Variants in SWT1 observed in about 807,000 individuals in gnomAD.
SWT1 encodes SWT1 RNA endoribonuclease homolog.
A neutral mutation model predicts 107.3 loss-of-function variants in SWT1; 33 were observed. That is an observed-to-expected ratio of 0.31 (90% CI 0.23 to 0.41). The LOEUF is 0.41. SWT1 is among the 10% of genes least tolerant of loss of function. The pLI is 1.00. For synonymous variants in SWT1, 345 were observed against 348.3 expected (o/e 0.99, Z 0.11); for missense variants, 898 against 1,028.9 (o/e 0.87, Z 1.74).
At chr1:185,182,153 A>G in intron 7 of SWT1, 96 bp downstream of exon 7, 1 of 1,261,114 alleles carries the variant, frequency 7.9e-7, no homozygotes, top group Non-Finnish European at 1.1e-6. Flanking sequence ...GAAAAATGTT[A>G]AAATGTGCTC....
intron 5 of SWT1, chr1:185,176,918 C>T: frequency 5.3e-6 from 3 of 561,892 alleles, no homozygotes; most frequent in Non-Finnish European, 6.8e-6. Flanking sequence ...TGGGAGGCGG[C>T]CCTTGCAGTG....
chr1:185,238,481 A>C (rs1402302662), intron 16 of SWT1, among the ~76,000 whole-genome samples: 2 of 152,216 alleles, frequency 1.3e-5, no homozygotes, highest in African/African-American at 4.8e-5. Context: ...TCCCAGACTA[A>C]CTTAAATAAA....
chr1:185,204,575 T>A, intron 11 of SWT1, 125 bp from the exon 12 acceptor site: 1 of 422,642 alleles, frequency 2.4e-6, no homozygotes, highest in Non-Finnish European at 4.1e-6. Context: ...ATAAAATATT[T>A]GTTTGTTTTA....
intron 16 of SWT1, among the ~76,000 whole-genome samples, chr1:185,269,375 T>G (rs1320901468): frequency 1.3e-5 from 2 of 148,730 alleles, no homozygotes; most frequent in Non-Finnish European, 3.0e-5. Context: ...AGGTTTTTGT[T>G]TTTTTTTTTT....
intron 14 of SWT1, among the ~76,000 whole-genome samples, chr1:185,215,617 C>T (rs1659156200): frequency 6.6e-6 from 1 of 152,164 alleles, no homozygotes; most frequent in African/African-American, 2.4e-5. Flanking sequence ...GGGCTCACTG[C>T]AACCTCCACC....
At chr1:185,237,972 T>C (rs933547301) in intron 16 of SWT1, among the ~76,000 whole-genome samples, 1 of 151,988 alleles carries the variant, frequency 6.6e-6, no homozygotes, top group South Asian at 2.1e-4. Flanking sequence ...TGCTACCTTT[T>C]AGCATGTGAC....
intron 16 of SWT1, among the ~76,000 whole-genome samples, chr1:185,238,201 G>T (rs1395326809): frequency 6.6e-6 from 1 of 152,126 alleles, no homozygotes; most frequent in East Asian, 1.9e-4. Context: ...GCTCAGGCTG[G>T]TCTTGAACTC....
At chr1:185,267,897 C>T (rs571517657) in intron 16 of SWT1, among the ~76,000 whole-genome samples, 3 of 152,164 alleles carry the variant, frequency 2.0e-5, no homozygotes, top group Non-Finnish European at 2.9e-5. Context: ...AGGCTGACCT[C>T]TCAAGAATTT....
intron 14 of SWT1, among the ~76,000 whole-genome samples, chr1:185,219,455 A>T (rs1041474899): frequency 2.0e-5 from 3 of 152,210 alleles, no homozygotes; most frequent in African/African-American, 7.2e-5. Flanking sequence ...TACTGATAGT[A>T]TTGGAAATTT....
chr1:185,278,074 T>G (rs180985554), intron 18 of SWT1, among the ~76,000 whole-genome samples: 1 of 152,258 alleles, frequency 6.6e-6, no homozygotes, highest in Non-Finnish European at 1.5e-5. Flanking sequence ...TCCTCCTGCC[T>G]TGGCTTCCCA....
intron 5 of SWT1, 145 bp downstream of exon 5, chr1:185,175,258 C>T (rs761507250): frequency 2.2e-4 from 161 of 719,992 alleles, no homozygotes; most frequent in Admixed American, 9.8e-4. Flanking sequence ...GGTCTCACTC[C>T]GTTGCCCAAG....
At chr1:185,270,581 G>A (rs1437798471) in intron 16 of SWT1, among the ~76,000 whole-genome samples, 1 of 152,042 alleles carries the variant, frequency 6.6e-6, no homozygotes, top group Non-Finnish European at 1.5e-5. Context: ...GGTGGCGCTT[G>A]CCTTGTAGAC....
At chr1:185,201,182 T>C (rs1041910726) in intron 10 of SWT1, among the ~76,000 whole-genome samples, 3 of 152,100 alleles carry the variant, frequency 2.0e-5, no homozygotes, top group African/African-American at 7.2e-5. Context: ...CTTAGCTTGC[T>C]AGGCTTCGTG....
intron 16 of SWT1, among the ~76,000 whole-genome samples, chr1:185,268,999 C>G (rs1361861966): frequency 6.6e-6 from 1 of 151,718 alleles, no homozygotes; most frequent in Non-Finnish European, 1.5e-5. Flanking sequence ...ACTACAGGCG[C>G]CCGCCACTAC....
chr1:185,160,730 A>G, intron 1 of SWT1, 103 bp from the exon 2 acceptor site: 1 of 780,788 alleles, frequency 1.3e-6, no homozygotes, highest in South Asian at 1.8e-5. Flanking sequence ...ATAAAAAGTG[A>G]TCATATTGTA....
chr1:185,246,278 A>G (rs1284801774), intron 16 of SWT1, among the ~76,000 whole-genome samples: 3 of 151,602 alleles, frequency 2.0e-5, no homozygotes, highest in African/African-American at 4.8e-5. Flanking sequence ...CACATCCTTT[A>G]AATTTTTATT....
At chr1:185,268,609 C>T (rs543447739) in intron 16 of SWT1, among the ~76,000 whole-genome samples, 1 of 152,216 alleles carries the variant, frequency 6.6e-6, no homozygotes, top group East Asian at 1.9e-4. Context: ...ATCTTTAGTA[C>T]ATATTTTACA....
At chr1:185,201,228 G>T (rs1657848965) in intron 10 of SWT1, among the ~76,000 whole-genome samples, 1 of 152,086 alleles carries the variant, frequency 6.6e-6, no homozygotes, top group South Asian at 2.1e-4. Flanking sequence ...ACTTGGCTCT[G>T]TGGCTTCAGT....
In SWT1 at chr1:185,290,651, T is replaced by C. The variant is rs770751482; in HGVS notation, c.2574-23T>C. On this transcript the variant is annotated intron_variant, in intron 18 of 18. Coordinates refer to ENST00000367500, the MANE Select transcript of SWT1 (RefSeq NM_017673.7). ...TCTCTGACTAGCTGTCTTGCAATGA[T>C]TTAATATTTCTTTTTCTCCTAGGGA... 6.5e-6 allele frequency: 10 copies of C among 1,546,954 alleles called. No individual in the cohort carries two copies. The African/African-American group carries it at 9.6e-5, about 15-fold the overall frequency.
Sources: gnomAD v4.1 joint callset for allele counts (sites outside exome capture counted in the v4.1 genomes callset) on GRCh38, gnomAD v4.1.1 for gene constraint, MANE v1.5 for transcripts, NCBI Gene and HGNC (gene_info 2026-07-23, HGNC 2026-07-21) for gene names.